Variants in CERS6 observed in about 807,000 individuals in gnomAD.
The protein encoded by CERS6 is ceramide synthase 6.
A neutral mutation model predicts 56.8 loss-of-function variants in CERS6; 26 were observed. That is an observed-to-expected ratio of 0.46 (90% CI 0.34 to 0.63). CERS6 has a LOEUF of 0.63. CERS6 is among the 30% of genes least tolerant of loss of function. CERS6 has a pLI of 0.01. For missense variants in CERS6, 415 were observed against 467.5 expected (o/e 0.89, Z 1.04); for synonymous variants, 164 against 173.3 (o/e 0.95, Z 0.42).
At chr2:168,710,022 G>A (rs1687050697) in intron 6 of CERS6, among the ~76,000 whole-genome samples, 1 of 152,116 alleles carries the variant, frequency 6.6e-6, no homozygotes, top group South Asian at 2.1e-4. Context: ...CATACAGATA[G>A]GACTATAATG....
intron 1 of CERS6, among the ~76,000 whole-genome samples, chr2:168,492,987 A>C (rs1694400617): frequency 6.6e-6 from 1 of 152,134 alleles, no homozygotes; most frequent in Admixed American, 6.5e-5. Context: ...TTTACTTCTC[A>C]ATGGGATCCA....
intron 4 of CERS6, among the ~76,000 whole-genome samples, chr2:168,675,236 T>C (rs1232875591): frequency 6.6e-6 from 1 of 152,068 alleles, no homozygotes; most frequent in Non-Finnish European, 1.5e-5. Context: ...CCTCCCAAAG[T>C]GCTGGGATTA....
intron 1 of CERS6, among the ~76,000 whole-genome samples, chr2:168,521,340 A>T (rs546192585): frequency 6.6e-6 from 1 of 152,204 alleles, no homozygotes; most frequent in African/African-American, 2.4e-5. Context: ...TTGACTTTTC[A>T]AATTTGACTG....
intron 1 of CERS6, among the ~76,000 whole-genome samples, chr2:168,494,281 T>C (rs1287696429): frequency 2.0e-5 from 3 of 152,154 alleles, no homozygotes; most frequent in African/African-American, 7.2e-5. Flanking sequence ...AGTGCTTAGC[T>C]CTGTGCCTTT....
intron 1 of CERS6, among the ~76,000 whole-genome samples, chr2:168,477,411 T>C (rs1300640726): frequency 1.3e-5 from 2 of 152,224 alleles, no homozygotes; most frequent in Admixed American, 1.3e-4. Flanking sequence ...ATTTGCACTT[T>C]GTTTTTCACT....
chr2:168,552,320 T>G (rs1282222788), intron 2 of CERS6, among the ~76,000 whole-genome samples: 2 of 134,490 alleles, frequency 1.5e-5, no homozygotes, highest in African/African-American at 5.6e-5. Flanking sequence ...GAAAGAACAA[T>G]AAGAAACCCC....
At chr2:168,670,968 C>CCCT (rs529246112) in intron 4 of CERS6, among the ~76,000 whole-genome samples, 1 of 23,020 alleles carries the variant, frequency 4.3e-5, no homozygotes, top group Admixed American at 2.4e-4. Context: ...TACATGCTTC[C>CCCT]CCCCCCCCCC....
chr2:168,725,144 C>T (rs1250072306), intron 8 of CERS6, among the ~76,000 whole-genome samples: 1 of 152,246 alleles, frequency 6.6e-6, no homozygotes, highest in Non-Finnish European at 1.5e-5. Context: ...GGCCCGGGTG[C>T]TAAGCCCCTC....
At chr2:168,559,585 C>T (rs1268003908) in intron 2 of CERS6, among the ~76,000 whole-genome samples, 1 of 151,346 alleles carries the variant, frequency 6.6e-6, no homozygotes, top group African/African-American at 2.4e-5. Flanking sequence ...GAGAGGTTCA[C>T]CCTCATGATC....
Position 168,561,178 on chromosome 2 carries a change from A to T in CERS6, c.277-14A>T. On this transcript the variant is annotated splice_polypyrimidine_tract_variant and intron_variant, in intron 2 of 9. Transcript: ENST00000305747. ...ATGGATTGAAAATTATTTTTCTGGT[A>T]CCTTGTTTCATAGCATCCTGATGAA... 1.9e-6 allele frequency: 3 copies of T among 1,613,370 alleles called. No homozygotes were observed. Among genetic ancestry groups the T allele is most frequent in the South Asian group, 2.2e-5 (2 of 91,056 alleles).
intron 3 of CERS6, among the ~76,000 whole-genome samples, chr2:168,596,142 G>A (rs1261918152): frequency 6.6e-6 from 1 of 151,790 alleles, no homozygotes; most frequent in Non-Finnish European, 1.5e-5. Context: ...TTCAATATTT[G>A]TTTGTAAATG....
chr2:168,572,075 A>G (rs946212094), intron 3 of CERS6, among the ~76,000 whole-genome samples: 1 of 152,204 alleles, frequency 6.6e-6, no homozygotes, highest in Non-Finnish European at 1.5e-5. Context: ...ACACCATGAC[A>G]CACAGGCCAA....
intron 8 of CERS6, among the ~76,000 whole-genome samples, chr2:168,762,729 T>C (rs1684617259): frequency 6.6e-6 from 1 of 152,238 alleles, no homozygotes; most frequent in Admixed American, 6.5e-5. Flanking sequence ...TTTTAACATA[T>C]GTGTATTATG....
rs1684836957 is a variant in CERS6, at chr2:168,770,522, CAT to C, written c.*862_*863del. On this transcript the variant is annotated 3_prime_UTR_variant, in exon 10 of 10. Transcript: ENST00000305747. Reference sequence around the variant, plus strand: ...AATTTGTCCTGTGTTCTGGGAATAACATAAAGAGAGCAACTGATTTCAGCCAG... The same window carrying C: ...AATTTGTCCTGTGTTCTGGGAATAACAAAGAGAGCAACTGATTTCAGCCAG... 2.0e-5 allele frequency: 3 copies of C among 152,602 alleles called. No individual in the cohort carries two copies. Among genetic ancestry groups the C allele is most frequent in the South Asian group, 2.1e-4 (1 of 4,828 alleles). 9.5% of individuals were successfully genotyped at this position (152,602 alleles called of 1,614,324 possible).
chr2:168,721,569 T>TAAACAAAA (rs1381972673), intron 8 of CERS6, among the ~76,000 whole-genome samples: 98 of 130,788 alleles, frequency 7.5e-4, no homozygotes, highest in African/African-American at 1.6e-3. Context: ...TTTTTTTGTT[T>TAAACAAAA]AAAAAAAACC....
intron 3 of CERS6, among the ~76,000 whole-genome samples, chr2:168,590,335 A>G (rs570984705): frequency 6.6e-6 from 1 of 152,368 alleles, no homozygotes; most frequent in Admixed American, 6.5e-5. Context: ...AGGCTATCAT[A>G]TAAACGATGT....
chr2:168,692,770 G>A (rs1686538182), intron 5 of CERS6, among the ~76,000 whole-genome samples: 1 of 151,946 alleles, frequency 6.6e-6, no homozygotes, highest in Non-Finnish European at 1.5e-5. Flanking sequence ...TGGGTGGGGG[G>A]GAACTAAACA....
intron 4 of CERS6, among the ~76,000 whole-genome samples, chr2:168,643,477 T>A (rs1015672132): frequency 4.6e-5 from 7 of 152,194 alleles, no homozygotes; most frequent in Non-Finnish European, 7.3e-5. Context: ...GAAGTGTTGA[T>A]AGCATGATGT....
intron 2 of CERS6, among the ~76,000 whole-genome samples, chr2:168,549,459 A>AC (rs1453255248): frequency 6.6e-6 from 1 of 152,030 alleles, no homozygotes; most frequent in African/African-American, 2.4e-5. Flanking sequence ...ACATGGTGAG[A>AC]CCCCATCTCT....
Sources: gnomAD v4.1 joint callset for allele counts (sites outside exome capture counted in the v4.1 genomes callset) on GRCh38, gnomAD v4.1.1 for gene constraint, MANE v1.5 for transcripts, NCBI Gene and HGNC (gene_info 2026-07-23, HGNC 2026-07-21) for gene names.